C1orf185: variants seen among roughly 807,000 people sequenced by gnomAD.
C1orf185 encodes chromosome 1 open reading frame 185, also known as uncharacterized protein C1orf185.
A neutral mutation model predicts 16.1 loss-of-function variants in C1orf185; 13 were observed. The observed-to-expected ratio is 0.81, with a 90% CI of 0.53 to 1.28. The LOEUF (loss-of-function observed/expected upper bound fraction) is 1.28. Ranked by LOEUF, C1orf185 falls within the 50% of genes most tolerant of loss-of-function variation. C1orf185 has a pLI of 0.00. For synonymous variants in C1orf185, 80 were observed against 76.9 expected, an observed-to-expected ratio of 1.04 and a Z score of -0.21; for missense variants, 220 against 225.2, an observed-to-expected ratio of 0.98 and a Z score of 0.15.
chr1:51,126,128 G>T (rs1413799286), intron 3 of C1orf185, among the ~76,000 whole-genome samples: 1 of 152,198 alleles, frequency 6.6e-6, no homozygotes, highest in South Asian at 2.1e-4. Flanking sequence ...AGGCATGATT[G>T]GTTCATCTGG....
intron 3 of C1orf185, among the ~76,000 whole-genome samples, chr1:51,136,338 G>A (rs1294505058): frequency 2.7e-5 from 4 of 147,342 alleles, no homozygotes; most frequent in Admixed American, 6.7e-5. Context: ...TTTTGATCTT[G>A]ATTTTTTTTT....
At chr1:51,105,727 CT>C (rs1646065482) in intron 1 of C1orf185, among the ~76,000 whole-genome samples, 1 of 152,042 alleles carries the variant, frequency 6.6e-6, no homozygotes, top group African/African-American at 2.4e-5. Flanking sequence ...TGGGGAGTTA[CT>C]TTAGATAGGA....
In C1orf185 at chr1:51,122,030, C is replaced by T. The variant is rs183105317; in HGVS notation, c.258+3229C>T. Among the ~76,000 whole-genome samples, 39 of 152,250 alleles carry T rather than the reference C, an allele frequency of 2.6e-4. 3 individuals carry two copies. The highest frequency in any genetic ancestry group is 9.1e-4 in the African/African-American group (38 of 41,554). On this transcript the variant is annotated intron_variant, in intron 3 of 4. Coordinates refer to ENST00000371759, the MANE Select transcript of C1orf185 (RefSeq NM_001136508.2). ...TATTAAATTTCATGTGTTTTAGACT[C>T]CATATCTAATCTTTCCTTTTTTGTG...
rs542103910 is a variant in C1orf185 at position 51,119,341 on chromosome 1, A to G, written c.258+540A>G. Among the ~76,000 whole-genome samples the G allele has an allele frequency of 3.5e-4, 54 of 152,384 alleles. 1 individual carries two copies. The East Asian group carries it at 0.01, about 29-fold the overall frequency. ...TAAGCGTCAACACAATGCTAAATGAACAAAGGAAAAAAAGGCAGAGACTAA... is the reference window on the plus strand; with the variant it reads ...TAAGCGTCAACACAATGCTAAATGAGCAAAGGAAAAAAAGGCAGAGACTAA... On this transcript the variant is annotated intron_variant, in intron 3 of 4. Coordinates refer to ENST00000371759, the MANE Select transcript of C1orf185 (RefSeq NM_001136508.2).
At chr1:51,122,795 A>G (rs1646207402) in intron 3 of C1orf185, among the ~76,000 whole-genome samples, 1 of 152,072 alleles carries the variant, frequency 6.6e-6, no homozygotes, top group Admixed American at 6.6e-5. Flanking sequence ...ACTGTTTCCA[A>G]AGTTTTTGCC....
intron 3 of C1orf185, among the ~76,000 whole-genome samples, chr1:51,136,531 G>A (rs754658525): frequency 6.6e-6 from 1 of 152,018 alleles, no homozygotes; most frequent in African/African-American, 2.4e-5. Context: ...AACAGCTACT[G>A]TTTTGTACTG....
intron 3 of C1orf185, among the ~76,000 whole-genome samples, chr1:51,123,879 T>C (rs564831275): frequency 6.2e-4 from 95 of 152,094 alleles, no homozygotes; most frequent in African/African-American, 2.2e-3. Flanking sequence ...TTTTAAAGAA[T>C]GTAAGTTTTA....
At chr1:51,108,672 G>A (rs113430815) in intron 1 of C1orf185, among the ~76,000 whole-genome samples, 3 of 152,056 alleles carry the variant, frequency 2.0e-5, no homozygotes, top group Admixed American at 6.6e-5. Flanking sequence ...GAATGAGAAC[G>A]TACAATTTTT....
At chr1:51,149,974 C>T (rs1455224500), downstream of C1orf185, among the ~76,000 whole-genome samples, 2 of 152,138 alleles carry the variant, frequency 1.3e-5, no homozygotes, top group South Asian at 2.1e-4. Flanking sequence ...GCCACAGTCC[C>T]GAAGGCCTAG....
intron 2 of C1orf185, among the ~76,000 whole-genome samples, chr1:51,118,193 T>A (rs1307846273): frequency 6.6e-6 from 1 of 152,272 alleles, no homozygotes; most frequent in Non-Finnish European, 1.5e-5. Flanking sequence ...GTGCTGGGAT[T>A]ACAGGCGTAA....
chr1:51,145,904 T>C, intron 4 of C1orf185, 144 bp downstream of exon 4: 2 of 390,870 alleles, frequency 5.1e-6, no homozygotes, highest in Non-Finnish European at 8.9e-6. Flanking sequence ...TATTAGTATG[T>C]AAAAGGGCAT....
downstream of C1orf185, among the ~76,000 whole-genome samples, chr1:51,150,734 A>G (rs748196104): frequency 3.9e-5 from 6 of 152,190 alleles, no homozygotes; most frequent in Non-Finnish European, 7.4e-5. Flanking sequence ...AACAAGAGGC[A>G]GTTTATTGTT....
chr1:51,134,517 C>G (rs1646308142), intron 3 of C1orf185, among the ~76,000 whole-genome samples: 1 of 6,056 alleles, frequency 1.7e-4, no homozygotes, highest in Non-Finnish European at 1.7e-3. Flanking sequence ...GAATGAGACA[C>G]ACACAAAAAA....
chr1:51,139,206 A>G (rs1646347763), intron 3 of C1orf185, among the ~76,000 whole-genome samples: 1 of 151,672 alleles, frequency 6.6e-6, no homozygotes, highest in Non-Finnish European at 1.5e-5. Flanking sequence ...GGGCTCAAGC[A>G]ATACTCCCAC....
intron 1 of C1orf185, among the ~76,000 whole-genome samples, chr1:51,105,245 G>A (rs950861782): frequency 2.0e-5 from 3 of 151,568 alleles, no homozygotes; most frequent in African/African-American, 7.3e-5. Flanking sequence ...GGGATTATTG[G>A]TGTGAGCCAA....
At chr1:51,145,662 A>G in intron 3 of C1orf185, 62 bp from the exon 4 acceptor site, 1 of 925,388 alleles carries the variant, frequency 1.1e-6, no homozygotes, top group East Asian at 3.0e-5. Context: ...TATAAAATAT[A>G]TGAAAGAAGT....
chr1:51,142,752 C>T (rs1646373567), intron 3 of C1orf185, among the ~76,000 whole-genome samples: 1 of 151,874 alleles, frequency 6.6e-6, no homozygotes, highest in Admixed American at 6.6e-5. Context: ...CTTGTTCACT[C>T]CTGCTATTAT....
chr1:51,121,639 T>G (rs1188426602), intron 3 of C1orf185, among the ~76,000 whole-genome samples: 1 of 152,204 alleles, frequency 6.6e-6, no homozygotes, highest in African/African-American at 2.4e-5. Flanking sequence ...TATTGGCTTC[T>G]TCCTCTTCTA....
At chr1:51,108,980 T>A (rs1306339922) in intron 1 of C1orf185, among the ~76,000 whole-genome samples, 1 of 152,170 alleles carries the variant, frequency 6.6e-6, no homozygotes, top group East Asian at 1.9e-4. Context: ...TATTTTTAGG[T>A]TTTTGAGAAA....
Sources: allele counts gnomAD v4.1 joint callset (sites outside exome capture counted in the v4.1 genomes callset), GRCh38; gene constraint gnomAD v4.1.1; transcripts MANE v1.5; gene names NCBI Gene and HGNC (gene_info 2026-07-23, HGNC 2026-07-21).